EPHB2: variants seen among roughly 807,000 people sequenced by gnomAD.
EPHB2 encodes EPH receptor B2.
EPHB2 carries 18 observed loss-of-function variants against 96.4 expected under a neutral mutation model. The ratio of observed to expected loss-of-function variants is 0.19; its 90% CI spans 0.13 to 0.28. The LOEUF (loss-of-function observed/expected upper bound fraction) is 0.28. EPHB2 is among the 10% of genes least tolerant of loss of function. EPHB2 has a pLI of 1.00. For synonymous variants in EPHB2, 506 were observed against 534.1 expected (o/e 0.95, Z 0.72); for missense variants, 989 against 1,355.4 (o/e 0.73, Z 4.25).
At chr1:22,877,053 G>A (rs554719344) in intron 5 of EPHB2, among the ~76,000 whole-genome samples, 4 of 152,330 alleles carry the variant, frequency 2.6e-5, no homozygotes, top group Non-Finnish European at 2.9e-5. Flanking sequence ...GGAACCAGGC[G>A]GGGTTAGCTC....
Position 22,733,158 on chromosome 1 carries a change from C to T in EPHB2, c.61+22115C>T, listed in dbSNP as rs1196291076. 1.3e-5 allele frequency among the ~76,000 whole-genome samples: 2 copies of T among 152,132 alleles called. No individual in the cohort carries two copies. Among genetic ancestry groups the T allele is most frequent in the Non-Finnish European group, 2.9e-5 (2 of 68,040 alleles). The stretch of plus-strand genomic sequence containing the variant: ...CTGCCTCCCCAGTTCAAGCGATTCT[C>T]CTGCCTCAGCCTCCTGAGTAGCTGG... On this transcript the variant is annotated intron_variant, in intron 1 of 15. Transcript: ENST00000374630. This position sits in a 1 kb window ranked among gnomAD's most constrained non-coding sequence, Gnocchi z 4.6.
At chr1:22,817,561 G>A (rs544984052) in intron 3 of EPHB2, among the ~76,000 whole-genome samples, 3 of 152,332 alleles carry the variant, frequency 2.0e-5, no homozygotes, top group East Asian at 3.9e-4. Flanking sequence ...CCCCCGGTGT[G>A]CTTTGGGCAC....
chr1:22,720,629 T>TG (rs1316280002), intron 1 of EPHB2, among the ~76,000 whole-genome samples: 1 of 112,780 alleles, frequency 8.9e-6, no homozygotes, highest in Non-Finnish European at 1.7e-5. Flanking sequence ...GGGATGGCGG[T>TG]GGGGAGGCAA....
rs185166463 is a variant in EPHB2, at chr1:22,771,033, C to T, written c.62-10388C>T. Among the ~76,000 whole-genome samples the T allele has an allele frequency of 1.5e-3, 224 of 152,224 alleles. 2 individuals are homozygous for T. The highest frequency in any genetic ancestry group is 3.4e-3 in the Middle Eastern group (1 of 294). ...CTATGTGGAGCCATCTTGATACCAG[C>T]GACTGCATTTCCTGGAGGAACAGCT... On this transcript the variant is annotated intron_variant, in intron 1 of 15. Coordinates refer to ENST00000374630, the MANE Select transcript of EPHB2 (RefSeq NM_017449.5).
At chr1:22,753,170 G>T (rs938778560) in intron 1 of EPHB2, among the ~76,000 whole-genome samples, 3 of 152,144 alleles carry the variant, frequency 2.0e-5, no homozygotes, top group African/African-American at 4.8e-5. Context: ...GGAAGAAAGA[G>T]TGTGAGCTCC....
Position 22,860,388 on chromosome 1 carries a change from T to C in EPHB2, c.812-2649T>C, listed in dbSNP as rs1306359348. Among the ~76,000 whole-genome samples the C allele has an allele frequency of 6.6e-6, 1 of 150,754 alleles. No individual in the cohort carries two copies. The highest frequency in any genetic ancestry group is 1.5e-5 in the Non-Finnish European group (1 of 67,698). ...ACTTCCCAGGGCAGAGAAGAGTGAG[T>C]TTCATGAAGCAGTGCCATAGATACA... On this transcript the variant is annotated intron_variant, in intron 3 of 15. Coordinates refer to ENST00000374630, the MANE Select transcript of EPHB2 (RefSeq NM_017449.5). This position sits in a 1 kb window ranked among gnomAD's most constrained non-coding sequence, Gnocchi z 4.6.
At chr1:22,785,143 C>G (rs1644592992) in intron 3 of EPHB2, 67 bp downstream of exon 3, 1 of 1,589,710 alleles carries the variant, frequency 6.3e-7, no homozygotes, top group Non-Finnish European at 8.6e-7. Context: ...CAGACTCGGG[C>G]TGCAGACTTG....
intron 5 of EPHB2, among the ~76,000 whole-genome samples, chr1:22,866,775 A>C (rs1268504958): frequency 1.3e-5 from 2 of 152,102 alleles, no homozygotes; most frequent in Non-Finnish European, 2.9e-5. Context: ...CTCTATTAAA[A>C]ATACAAAAAT....
rs1030937984 is a variant in EPHB2, at chr1:22,790,143, G to A, written c.811+5067G>A. On this transcript the variant is annotated intron_variant, in intron 3 of 15. Transcript: ENST00000374630. The surrounding 1 kb of genome is among the most constrained non-coding windows in gnomAD (Gnocchi z 4.0). ...TTGAAGAGTGAGTAGGATTTGGATG[G>A]GTGAAGGTAGGGAGGAAGGGAATTG... Among the ~76,000 whole-genome samples, 10 of 152,142 alleles carry A rather than the reference G, an allele frequency of 6.6e-5. No homozygotes were observed. The highest frequency in any genetic ancestry group is 2.4e-4 in the African/African-American group (10 of 41,422).
intron 1 of EPHB2, among the ~76,000 whole-genome samples, chr1:22,738,659 C>T (rs949813548): frequency 2.0e-5 from 3 of 152,232 alleles, no homozygotes; most frequent in Non-Finnish European, 4.4e-5. Context: ...ATTCAGTAGC[C>T]ACTTTTGGAG....
chr1:22,726,520 A>G (rs958330237), intron 1 of EPHB2, among the ~76,000 whole-genome samples: 1 of 151,892 alleles, frequency 6.6e-6, no homozygotes, highest in Non-Finnish European at 1.5e-5. Flanking sequence ...TCCCAGGTTC[A>G]AGCGATTCTC....
At chr1:22,802,325 G>T (rs960912461) in intron 3 of EPHB2, among the ~76,000 whole-genome samples, 5 of 152,140 alleles carry the variant, frequency 3.3e-5, no homozygotes, top group Non-Finnish European at 7.3e-5. Context: ...TTCCACCTGG[G>T]AGGGGCTTTG....
rs758895037 is a variant in EPHB2 at position 22,918,959 on chromosome 1, T to G, written c.*5389T>G. 6.6e-6 allele frequency: 1 copy of G among 152,234 alleles called. No homozygotes were observed. Among genetic ancestry groups the G allele is most frequent in the Non-Finnish European group, 1.5e-5 (1 of 68,030 alleles). The allele number at this position is 152,234 out of a possible 1,614,324, so 9.4% of individuals were successfully genotyped here. On this transcript the variant is annotated 3_prime_UTR_variant, in exon 16 of 16. Transcript: ENST00000374630. The surrounding 1 kb of genome is among the most constrained non-coding windows in gnomAD (Gnocchi z 4.2). ...CAACCAGGCCATCTGTCTGTAGTCC[T>G]TCCTTCCCACCTCCTGGGATTTCTC...
rs182774328 is a variant in EPHB2 at position 22,905,561 on chromosome 1, T to C, written c.1766-426T>C. On this transcript the variant is annotated intron_variant, in intron 9 of 15. Transcript: ENST00000374630. Reference sequence around the variant, plus strand: ...ACAACACGGTCTATTGCCTGCTGTTTCTGTATTTTAGTTCCAATTCGCTCC... The same window carrying C: ...ACAACACGGTCTATTGCCTGCTGTTCCTGTATTTTAGTTCCAATTCGCTCC... 2.6e-5 allele frequency among the ~76,000 whole-genome samples: 4 copies of C among 152,320 alleles called. No individual in the cohort carries two copies. In the East Asian group the frequency reaches 7.7e-4, roughly 29 times the overall value.
At chr1:22,909,211 C>T in intron 13 of EPHB2, 40 bp downstream of exon 13, 1 of 1,613,936 alleles carries the variant, frequency 6.2e-7, no homozygotes, top group Non-Finnish European at 8.5e-7. Flanking sequence ...CTCTGGCCCA[C>T]CAGATGGGAG....
At chr1:22,727,995 T>C (rs946980195) in intron 1 of EPHB2, among the ~76,000 whole-genome samples, 1 of 151,784 alleles carries the variant, frequency 6.6e-6, no homozygotes, top group Non-Finnish European at 1.5e-5. Context: ...GAGAGTAAGG[T>C]GGAATAAAAA....
chr1:22,806,592 C>A (rs1471754125), intron 3 of EPHB2, among the ~76,000 whole-genome samples: 1 of 152,162 alleles, frequency 6.6e-6, no homozygotes, highest in Non-Finnish European at 1.5e-5. Flanking sequence ...CTTCTCAGCA[C>A]AGTAAGGTCC....
At position 22,906,671 on chromosome 1, in the gene EPHB2, G is replaced by A; in HGVS notation, c.1889-39G>A. 6.2e-7 allele frequency: 1 copy of A among 1,613,486 alleles called. No homozygotes were observed. The highest frequency in any genetic ancestry group is 8.5e-7 in the Non-Finnish European group (1 of 1,179,890). On this transcript the variant is annotated intron_variant, in intron 10 of 15. Coordinates refer to ENST00000374630, the MANE Select transcript of EPHB2 (RefSeq NM_017449.5). This position sits in a 1 kb window ranked among gnomAD's most constrained non-coding sequence, Gnocchi z 4.8. ...AACAGGAAGGTGGCCCTTCCACCTG[G>A]CAAGTGACATCCTGTCTGTCTTGGT... is the stretch of plus-strand genomic sequence containing the variant.
rs937023549 is a variant in EPHB2, at chr1:22,919,272, G to A, written c.*5702G>A. 5.2e-5 allele frequency: 8 copies of A among 152,446 alleles called. No individual in the cohort carries two copies. The highest frequency in any genetic ancestry group is 1.7e-4 in the African/African-American group (7 of 41,574). 9.4% of individuals were successfully genotyped at this position (152,446 alleles called of 1,614,324 possible). A position where few individuals can be genotyped will look rare whatever the true frequency, so the allele number is the denominator to read the frequency against. ...TCAGATAGGATGCCCAAACCCAGAC[G>A]CAGATTAGGACCCATGAAGTAGGGG... On this transcript the variant is annotated 3_prime_UTR_variant, in exon 16 of 16. Transcript: ENST00000374630.
Sources: gnomAD v4.1 joint callset for allele counts (sites outside exome capture counted in the v4.1 genomes callset) on GRCh38, gnomAD v4.1.1 for gene constraint, Gnocchi (gnomAD v3.1) non-coding constraint, MANE v1.5 for transcripts, NCBI Gene and HGNC (gene_info 2026-07-23, HGNC 2026-07-21) for gene names.